Variants in KIF6 observed in about 807,000 individuals in gnomAD.
KIF6 encodes the protein kinesin-like protein KIF6.
A neutral mutation model predicts 112.7 loss-of-function variants in KIF6; 106 were observed. The observed-to-expected ratio is 0.94, with a 90% CI of 0.80 to 1.11. The LOEUF (loss-of-function observed/expected upper bound fraction) is 1.11, where lower values mean the gene tolerates loss of function less well. Ranked by LOEUF, KIF6 falls within the 50% of genes least tolerant of loss-of-function variation. The pLI, the probability that KIF6 is intolerant of heterozygous loss-of-function variation, is 0.00. For synonymous variants in KIF6, 339 were observed against 339.9 expected, an observed-to-expected ratio of 1.00 and a Z score of 0.03; for missense variants, 929 against 964.0, an observed-to-expected ratio of 0.96 and a Z score of 0.48.
chr6:39,524,513 G>A (rs935638819), intron 13 of KIF6, among the ~76,000 whole-genome samples: 1 of 152,178 alleles, frequency 6.6e-6, no homozygotes, highest in African/African-American at 2.4e-5. Flanking sequence ...CGGGGAGCAT[G>A]TTAGAGGAAA....
intron 5 of KIF6, among the ~76,000 whole-genome samples, chr6:39,629,895 T>C (rs1784272954): frequency 6.6e-6 from 1 of 152,076 alleles, no homozygotes; most frequent in African/African-American, 2.4e-5. Context: ...ATTCACTTTT[T>C]TCATGTGTGC....
chr6:39,353,290 T>C (rs1259493459), intron 19 of KIF6, among the ~76,000 whole-genome samples: 1 of 152,194 alleles, frequency 6.6e-6, no homozygotes, highest in Non-Finnish European at 1.5e-5. Context: ...TGGTATCTCA[T>C]TGTTGTTCTA....
intron 13 of KIF6, among the ~76,000 whole-genome samples, chr6:39,524,510 C>T (rs573769250): frequency 6.6e-6 from 1 of 152,282 alleles, no homozygotes; most frequent in East Asian, 1.9e-4. Context: ...CTGCGGGGAG[C>T]ATGTTAGAGG....
intron 13 of KIF6, among the ~76,000 whole-genome samples, chr6:39,528,322 A>G (rs1438253817): frequency 6.6e-6 from 1 of 152,202 alleles, no homozygotes; most frequent in East Asian, 1.9e-4. Context: ...ACAGTATCGC[A>G]TTGTGTATCT....
intron 13 of KIF6, among the ~76,000 whole-genome samples, chr6:39,478,847 A>T (rs1774616582): frequency 6.6e-6 from 1 of 151,802 alleles, no homozygotes. Flanking sequence ...TTTCCCTGAT[A>T]ATTAATGGTG....
At chr6:39,435,568 C>T (rs987878334) in intron 13 of KIF6, among the ~76,000 whole-genome samples, 1 of 151,462 alleles carries the variant, frequency 6.6e-6, no homozygotes, top group African/African-American at 2.4e-5. Flanking sequence ...TATTATACCA[C>T]TCTGTACAAA....
At chr6:39,555,267 T>A (rs1212645951) in intron 10 of KIF6, among the ~76,000 whole-genome samples, 1 of 152,074 alleles carries the variant, frequency 6.6e-6, no homozygotes, top group Non-Finnish European at 1.5e-5. Flanking sequence ...GCACAGAACC[T>A]AGGACCCACA....
chr6:39,539,944 G>A (rs1307569686), intron 13 of KIF6, 59 bp downstream of exon 13: 7 of 1,232,224 alleles, frequency 5.7e-6, no homozygotes, highest in Non-Finnish European at 5.7e-6. Context: ...AAAACTAAAG[G>A]GTGCTACATC....
At chr6:39,432,202 G>T (rs1365558895) in intron 13 of KIF6, among the ~76,000 whole-genome samples, 1 of 152,098 alleles carries the variant, frequency 6.6e-6, no homozygotes, top group Non-Finnish European at 1.5e-5. Flanking sequence ...ATAGTTTTTT[G>T]TTTGTTTGTT....
chr6:39,346,132 C>CTCTCTCTCTCTCT (rs1763766405), intron 20 of KIF6, among the ~76,000 whole-genome samples: 16 of 26,934 alleles, frequency 5.9e-4, no homozygotes, highest in African/African-American at 1.5e-3. Flanking sequence ...CCTCCCTCTC[C>CTCTCTCTCTCTCT]CTCTCTCTCT....
chr6:39,399,723 C>G (rs1768546234), intron 15 of KIF6, among the ~76,000 whole-genome samples: 1 of 152,238 alleles, frequency 6.6e-6, no homozygotes, highest in Non-Finnish European at 1.5e-5. Context: ...TGTGTGGAAG[C>G]CTCCATGAAT....
intron 10 of KIF6, among the ~76,000 whole-genome samples, chr6:39,559,437 C>T (rs779466641): frequency 2.6e-5 from 4 of 152,074 alleles, no homozygotes; most frequent in African/African-American, 4.8e-5. Context: ...ATTTGAATTA[C>T]GTGACTTCTG....
rs1430287813 is a variant in KIF6, at chr6:39,544,524, G to A, written c.1426+31C>T. 6 of 1,601,802 alleles carry A rather than the reference G, an allele frequency of 3.7e-6. No individual in the cohort carries two copies. In the African/African-American group the frequency reaches 6.8e-5, roughly 18 times the overall value. ...TTTACCCCTTTCAAACCAGGATAGA[G>A]GAAGTTTCTTCATCACTTCAGAAAG... is the stretch of plus-strand genomic sequence containing the variant. On this transcript the variant is annotated intron_variant, in intron 12 of 22. Transcript: ENST00000287152.
intron 15 of KIF6, among the ~76,000 whole-genome samples, chr6:39,394,941 G>A (rs985859648): frequency 3.9e-5 from 6 of 152,150 alleles, no homozygotes; most frequent in African/African-American, 1.4e-4. Context: ...CATCACCTCG[G>A]CCCTATCTTG....
At chr6:39,578,009 C>A (rs754130547) in intron 10 of KIF6, 47 bp downstream of exon 10, 3 of 1,301,298 alleles carry the variant, frequency 2.3e-6, no homozygotes, top group Non-Finnish European at 3.3e-6. Context: ...GAAGTTAACA[C>A]AAACTTTCAC....
chr6:39,398,228 A>G (rs1375294082), intron 15 of KIF6, among the ~76,000 whole-genome samples: 1 of 152,182 alleles, frequency 6.6e-6, no homozygotes, highest in African/African-American at 2.4e-5. Flanking sequence ...GGCTTTTTCT[A>G]TCACAGGGAT....
chr6:39,695,911 G>A (rs754960058), intron 3 of KIF6, among the ~76,000 whole-genome samples: 6 of 152,112 alleles, frequency 3.9e-5, no homozygotes, highest in African/African-American at 7.2e-5. Flanking sequence ...GCCCATCAAC[G>A]GTGGACTGGA....
chr6:39,628,816 G>A (rs146369988), intron 5 of KIF6, among the ~76,000 whole-genome samples: 425 of 151,894 alleles, frequency 2.8e-3, no homozygotes, highest in Non-Finnish European at 5.2e-3. Flanking sequence ...AACCCCCTGT[G>A]CTTCACCTAT....
At chr6:39,352,406 A>T (rs556851156) in intron 19 of KIF6, among the ~76,000 whole-genome samples, 1 of 152,238 alleles carries the variant, frequency 6.6e-6, no homozygotes, top group African/African-American at 2.4e-5. Context: ...CACTGCCCCC[A>T]AAATTCCCTG....
Sources: allele counts gnomAD v4.1 joint callset (sites outside exome capture counted in the v4.1 genomes callset), GRCh38; gene constraint gnomAD v4.1.1; transcripts MANE v1.5; gene names NCBI Gene and HGNC (gene_info 2026-07-23, HGNC 2026-07-21).